The following RBFOX1 variants were observed in gnomAD, a reference collection of about 807,000 sequenced individuals.
RBFOX1 encodes the protein RNA binding fox-1 homolog 1.
A neutral mutation model predicts 57.7 loss-of-function variants in RBFOX1; 8 were observed. The observed-to-expected ratio is 0.14, with a 90% CI of 0.08 to 0.25. RBFOX1 has a LOEUF of 0.25. Ranked by LOEUF, RBFOX1 falls within the 10% of genes least tolerant of loss-of-function variation. The pLI is 1.00. For missense variants in RBFOX1, 611 were observed against 548.5 expected (o/e 1.11, Z -1.14); for synonymous variants, 326 against 222.4 (o/e 1.47, Z -4.15).
In RBFOX1 at chr16:7,159,667, C is replaced by T. The variant is rs143203259; in HGVS notation, c.27+107569C>T. Among the ~76,000 whole-genome samples the T allele has an allele frequency of 4.4e-3, 677 of 152,264 alleles. 9 individuals are homozygous for T. Among genetic ancestry groups the T allele is most frequent in the Non-Finnish European group, 3.9e-3 (267 of 68,020 alleles). On this transcript the variant is annotated intron_variant, in intron 4 of 15. Transcript: ENST00000550418. ...CTGGTTCTGGAGAGCGCACAATTTG[C>T]AGAAGGCAGTTTTGTTTGGATCTGC...
intron 3 of RBFOX1, among the ~76,000 whole-genome samples, chr16:5,751,963 A>T (rs138955325): frequency 4.1e-4 from 63 of 152,332 alleles, no homozygotes; most frequent in African/African-American, 1.4e-3. Context: ...TATTATAAAG[A>T]TACATGCATG....
intron 3 of RBFOX1, among the ~76,000 whole-genome samples, chr16:5,787,725 C>T (rs573494965): frequency 6.6e-6 from 1 of 152,128 alleles, no homozygotes; most frequent in African/African-American, 2.4e-5. Flanking sequence ...GGTGACACCA[C>T]CAGCCAAGGG....
chr16:5,501,332 A>G (rs1409875690), intron 2 of RBFOX1, among the ~76,000 whole-genome samples: 1 of 151,452 alleles, frequency 6.6e-6, no homozygotes, highest in African/African-American at 2.4e-5. Flanking sequence ...AAAAAAAAAA[A>G]AAAAAAAAAG....
At chr16:7,314,188 C>G (rs1174593132) in intron 4 of RBFOX1, among the ~76,000 whole-genome samples, 13 of 152,156 alleles carry the variant, frequency 8.5e-5, no homozygotes, top group African/African-American at 2.9e-4. Context: ...TCTCCGCAAC[C>G]AATTCCAATC....
chr16:5,614,737 T>C (rs2047957438), intron 3 of RBFOX1, among the ~76,000 whole-genome samples: 1 of 152,248 alleles, frequency 6.6e-6, no homozygotes, highest in South Asian at 2.1e-4. Flanking sequence ...GAGTGCTTAC[T>C]GAATGCAAAT....
chr16:5,880,523 A>T (rs1481133087), intron 4 of RBFOX1, among the ~76,000 whole-genome samples: 1 of 152,188 alleles, frequency 6.6e-6, no homozygotes, highest in East Asian at 1.9e-4. Flanking sequence ...AATCCTATGG[A>T]AGATTTGGGA....
chr16:5,734,856 G>A (rs2052515317), intron 3 of RBFOX1, among the ~76,000 whole-genome samples: 2 of 152,306 alleles, frequency 1.3e-5, no homozygotes, highest in South Asian at 4.2e-4. Flanking sequence ...CACTGCAAGT[G>A]AGCAAAAGTA....
intron 1 of RBFOX1, among the ~76,000 whole-genome samples, chr16:5,285,963 G>T (rs1033815495): frequency 2.0e-5 from 3 of 152,060 alleles, no homozygotes; most frequent in African/African-American, 7.2e-5. Context: ...GTAGAGACAG[G>T]GTTTCACCAT....
At chr16:7,709,796 C>A in intron 15 of RBFOX1, 1 of 1,248,170 alleles carries the variant, frequency 8.0e-7, no homozygotes, top group Non-Finnish European at 1.0e-6. Context: ...GTGGGGTGAA[C>A]TTGCCTGTAC....
chr16:6,252,175 T>A (rs149625767), intron 1 of RBFOX1, among the ~76,000 whole-genome samples: 1 of 152,090 alleles, frequency 6.6e-6, no homozygotes, highest in East Asian at 1.9e-4. Context: ...TGGTTTTGCG[T>A]CCCTGCACCC....
chr16:5,768,677 G>A (rs1284138402), intron 3 of RBFOX1, among the ~76,000 whole-genome samples: 2 of 152,142 alleles, frequency 1.3e-5, no homozygotes, highest in Non-Finnish European at 2.9e-5. Context: ...TCTGCCTGCT[G>A]GGGAGGAAGC....
intron 2 of RBFOX1, among the ~76,000 whole-genome samples, chr16:6,425,541 A>G (rs1231664332): frequency 2.6e-5 from 4 of 152,166 alleles, no homozygotes; most frequent in Non-Finnish European, 5.9e-5. Context: ...TAATAGAAAG[A>G]CTGTGACTTC....
rs551388641 is a variant in RBFOX1, at chr16:5,476,971, A to G, written c.258+9717A>G. The stretch of plus-strand genomic sequence containing the variant: ...TTTGTAACTGATGTTATCTGTATAT[A>G]CAGATTTGGAAAACACACATTGGTA... On this transcript the variant is annotated intron_variant, in intron 2 of 2. Coordinates refer to the RBFOX1 transcript ENST00000585867. Among the ~76,000 whole-genome samples the G allele has an allele frequency of 2.6e-5, 4 of 152,312 alleles. No homozygotes were observed. The East Asian group carries it at 5.8e-4, about 22-fold the overall frequency.
At chr16:7,591,692 C>A (rs1246465612) in intron 7 of RBFOX1, among the ~76,000 whole-genome samples, 1 of 152,116 alleles carries the variant, frequency 6.6e-6, no homozygotes, top group African/African-American at 2.4e-5. Flanking sequence ...TCTCTGTACC[C>A]CTTCTTGCGG....
chr16:5,739,655 G>A (rs1343505130), intron 3 of RBFOX1, among the ~76,000 whole-genome samples: 3 of 152,188 alleles, frequency 2.0e-5, no homozygotes, highest in South Asian at 4.1e-4. Flanking sequence ...TTACGCTTTG[G>A]CATTTTCTGT....
chr16:7,448,935 T>TTTTTG (rs1398343878), intron 4 of RBFOX1, among the ~76,000 whole-genome samples: 26 of 141,648 alleles, frequency 1.8e-4, no homozygotes, highest in Admixed American at 1.7e-3. Flanking sequence ...CTGTTTTTTT[T>TTTTTG]TTTTTTTTTT....
At chr16:6,735,776 A>G (rs892481056) in intron 3 of RBFOX1, among the ~76,000 whole-genome samples, 1 of 152,146 alleles carries the variant, frequency 6.6e-6, no homozygotes, top group Admixed American at 6.5e-5. Context: ...ATGGGTGGTG[A>G]TCTGTGGTTC....
At position 5,359,603 on chromosome 16, in the gene RBFOX1, T is replaced by G. The variant is rs574535868; in HGVS notation, c.220-107613T>G. On this transcript the variant is annotated intron_variant, in intron 1 of 2. Coordinates refer to the RBFOX1 transcript ENST00000585867. ...TTTTCATATGCCTGTTTGTCATTTTTAGGTCTGCTTTTGAGATATGTCTAT... is the reference window on the plus strand; with the variant it reads ...TTTTCATATGCCTGTTTGTCATTTTGAGGTCTGCTTTTGAGATATGTCTAT... Among the ~76,000 whole-genome samples, 5 of 152,358 alleles carry G rather than the reference T, an allele frequency of 3.3e-5. No homozygotes were observed. In the South Asian group the frequency reaches 1.0e-3, roughly 32 times the overall value.
chr16:7,681,673 G>A (rs771032518), intron 14 of RBFOX1, among the ~76,000 whole-genome samples: 3 of 151,994 alleles, frequency 2.0e-5, no homozygotes, highest in Non-Finnish European at 4.4e-5. Context: ...TTGTAGGAAG[G>A]TTAATTTTTT....
Sources: gnomAD v4.1 joint callset for allele counts (sites outside exome capture counted in the v4.1 genomes callset) on GRCh38, gnomAD v4.1.1 for gene constraint, MANE v1.5 for transcripts, NCBI Gene and HGNC (gene_info 2026-07-23, HGNC 2026-07-21) for gene names.